Variants in QTMAN observed in about 807,000 individuals in gnomAD.
QTMAN encodes the protein tRNA-queuosine alpha-mannosyltransferase.
chr2:144,327,983 A>C, the QTMAN span, among the ~76,000 whole-genome samples: 1 of 152,006 alleles, frequency 6.6e-6, no homozygotes, highest in Non-Finnish European at 1.5e-5. Context: ...ATGGAGTCCC[A>C]CTCTGTCACC....
the QTMAN span, among the ~76,000 whole-genome samples, chr2:144,068,489 C>T: frequency 2.0e-5 from 3 of 152,168 alleles, no homozygotes; most frequent in Non-Finnish European, 4.4e-5. Flanking sequence ...CAGTTCTAAT[C>T]ATTTACCTTT....
the QTMAN span, among the ~76,000 whole-genome samples, chr2:144,126,081 C>G: frequency 6.6e-6 from 1 of 151,872 alleles, no homozygotes; most frequent in East Asian, 1.9e-4. Flanking sequence ...AATTCATTTT[C>G]TTGGAGACAT....
the QTMAN span, among the ~76,000 whole-genome samples, chr2:144,223,639 C>G: frequency 6.6e-6 from 1 of 152,186 alleles, no homozygotes; most frequent in Non-Finnish European, 1.5e-5. Context: ...AACTTTTTTA[C>G]TGCCCAATTA....
the QTMAN span, among the ~76,000 whole-genome samples, chr2:143,999,291 G>C: frequency 6.6e-6 from 1 of 151,912 alleles, no homozygotes; most frequent in Admixed American, 6.6e-5. Flanking sequence ...CACTTCACCA[G>C]AATTTAAATC....
At chr2:144,324,010 C>T in the QTMAN span, among the ~76,000 whole-genome samples, 6,543 of 152,192 alleles carry the variant, frequency 0.043, 203 homozygotes, top group Non-Finnish European at 0.071. Flanking sequence ...TTTTATTGTC[C>T]TTATTACCCT....
the QTMAN span, among the ~76,000 whole-genome samples, chr2:144,110,414 A>T: frequency 1.3e-5 from 2 of 152,170 alleles, no homozygotes; most frequent in African/African-American, 4.8e-5. Flanking sequence ...GGGGGGAAGG[A>T]TAGCATTAGG....
At chr2:144,099,438 A>G in the QTMAN span, among the ~76,000 whole-genome samples, 1 of 152,212 alleles carries the variant, frequency 6.6e-6, no homozygotes, top group Non-Finnish European at 1.5e-5. Flanking sequence ...TTATAATCAA[A>G]AAGGAGAGTC....
chr2:144,288,375 T>C, the QTMAN span, among the ~76,000 whole-genome samples: 76 of 152,350 alleles, frequency 5.0e-4, no homozygotes, highest in South Asian at 3.5e-3. Context: ...CTTAAAAATA[T>C]ACTTTTTACG....
the QTMAN span, among the ~76,000 whole-genome samples, chr2:143,974,570 A>C: frequency 2.0e-5 from 3 of 152,216 alleles, no homozygotes; most frequent in Non-Finnish European, 4.4e-5. Flanking sequence ...AGTAAAAGAG[A>C]GATGACAGAG....
chr2:143,971,260 G>T, the QTMAN span, among the ~76,000 whole-genome samples: 2 of 151,894 alleles, frequency 1.3e-5, no homozygotes, highest in African/African-American at 2.4e-5. Flanking sequence ...TGCCCACAAG[G>T]AACGCACAAT....
chr2:144,237,044 CA>C, the QTMAN span, among the ~76,000 whole-genome samples: 2 of 152,072 alleles, frequency 1.3e-5, no homozygotes, highest in African/African-American at 4.8e-5. Flanking sequence ...GGGCATTTAC[CA>C]CGCACTGCAC....
At chr2:144,079,921 G>T in the QTMAN span, among the ~76,000 whole-genome samples, 2 of 152,024 alleles carry the variant, frequency 1.3e-5, 1 homozygote, top group South Asian at 4.1e-4. Context: ...TGTTTTAAAA[G>T]AATTCCACTT....
the QTMAN span, among the ~76,000 whole-genome samples, chr2:144,191,297 TACA>T: frequency 1.3e-5 from 2 of 152,160 alleles, no homozygotes; most frequent in Admixed American, 6.5e-5. Flanking sequence ...TAACTAATTA[TACA>T]ACAAGAAAAA....
the QTMAN span, among the ~76,000 whole-genome samples, chr2:144,091,408 G>A: frequency 3.9e-5 from 6 of 152,116 alleles, no homozygotes; most frequent in Non-Finnish European, 8.8e-5. Context: ...TAAAATGAAT[G>A]AATGAATTGA....
the QTMAN span, among the ~76,000 whole-genome samples, chr2:144,090,257 T>C: frequency 6.6e-6 from 1 of 152,078 alleles, no homozygotes. Context: ...AGCCCTAATG[T>C]CATGCTTAAC....
chr2:143,998,640 G>A, the QTMAN span, among the ~76,000 whole-genome samples: 62 of 152,072 alleles, frequency 4.1e-4, no homozygotes, highest in African/African-American at 1.5e-3. Context: ...CTTAACACCT[G>A]GATTATGGTG....
the QTMAN span, among the ~76,000 whole-genome samples, chr2:144,274,128 G>A: frequency 5.3e-5 from 8 of 151,900 alleles, no homozygotes; most frequent in South Asian, 1.2e-3. Flanking sequence ...GCGAGACTCC[G>A]TCTCAAAAAA....
At chr2:143,939,630 C>CT in the QTMAN span, 2 of 152,100 alleles carry the variant, frequency 1.3e-5, no homozygotes, top group African/African-American at 4.8e-5. Flanking sequence ...TTCTTAAGAG[C>CT]TTATAATTGT....
chr2:144,085,626 A>T, the QTMAN span, among the ~76,000 whole-genome samples: 4 of 152,194 alleles, frequency 2.6e-5, no homozygotes, highest in Admixed American at 2.6e-4. Flanking sequence ...AGACAGTGAG[A>T]ACACTTCCAC....
Sources: allele counts gnomAD v4.1 joint callset (sites outside exome capture counted in the v4.1 genomes callset), GRCh38; gene constraint gnomAD v4.1.1; transcripts MANE v1.5; gene names NCBI Gene and HGNC (gene_info 2026-07-23, HGNC 2026-07-21).